Variants in MEF2A observed in about 807,000 individuals in gnomAD.
MEF2A encodes myocyte enhancer factor 2A, also known as myocyte-specific enhancer factor 2A.
Under a neutral mutation model 55.8 loss-of-function variants are expected in MEF2A, and 28 were observed. The observed-to-expected ratio is 0.50, with a 90% CI of 0.37 to 0.69. The LOEUF is 0.69. MEF2A is among the 30% of genes least tolerant of loss of function. The pLI is 0.00. For synonymous variants in MEF2A, 239 were observed against 227.1 expected, an observed-to-expected ratio of 1.05 and a Z score of -0.47; for missense variants, 528 against 626.2, an observed-to-expected ratio of 0.84 and a Z score of 1.67.
intron 10 of MEF2A, among the ~76,000 whole-genome samples, chr15:99,708,390 C>T (rs1035764986): frequency 2.6e-5 from 4 of 152,184 alleles, no homozygotes; most frequent in African/African-American, 9.7e-5. Flanking sequence ...TTTCAGTATA[C>T]TTAGAAATTC....
In MEF2A at chr15:99,689,856, T is replaced by G. The variant is rs189911210; in HGVS notation, c.671-385T>G. 7.0e-4 allele frequency among the ~76,000 whole-genome samples: 106 copies of G among 152,324 alleles called. No homozygotes were observed. In the East Asian group the frequency reaches 0.013, roughly 18 times the overall value. ...TGTACAAGTATCATTAGTCTTAAGC[T>G]TTATATGTATTTCAGACTTTGCTTG... is the stretch of plus-strand genomic sequence containing the variant. On this transcript the variant is annotated intron_variant, in intron 7 of 11. Coordinates refer to ENST00000557942, the MANE Select transcript of MEF2A (RefSeq NM_001319206.4).
At chr15:99,703,714 T>C (rs1023794216) in intron 9 of MEF2A, among the ~76,000 whole-genome samples, 52 of 152,292 alleles carry the variant, frequency 3.4e-4, no homozygotes, top group Non-Finnish European at 6.9e-4. Flanking sequence ...ATTGAAATAT[T>C]TTTAGAAAAT....
chr15:99,696,677 TAAG>T (rs1223218872), intron 8 of MEF2A, among the ~76,000 whole-genome samples: 1 of 151,770 alleles, frequency 6.6e-6, no homozygotes, highest in Non-Finnish European at 1.5e-5. Context: ...GCTCTTACCT[TAAG>T]AAACTCAAAA....
chr15:99,602,982 T>C (rs936752142), intron 2 of MEF2A, among the ~76,000 whole-genome samples: 5 of 152,176 alleles, frequency 3.3e-5, no homozygotes. Context: ...TCTAATTTAT[T>C]GGCACGAAGT....
At chr15:99,574,988 G>A (rs1963795135) in intron 1 of MEF2A, among the ~76,000 whole-genome samples, 1 of 152,088 alleles carries the variant, frequency 6.6e-6, no homozygotes, top group Non-Finnish European at 1.5e-5. Context: ...ATCAGGCATT[G>A]TTATATAATA....
chr15:99,684,951 C>G (rs2053931960), intron 7 of MEF2A, among the ~76,000 whole-genome samples: 1 of 152,144 alleles, frequency 6.6e-6, no homozygotes, highest in Non-Finnish European at 1.5e-5. Context: ...AATAGGGTGT[C>G]TTTTCCCTAC....
At chr15:99,632,095 A>G (rs918699712) in intron 2 of MEF2A, among the ~76,000 whole-genome samples, 6 of 152,222 alleles carry the variant, frequency 3.9e-5, no homozygotes, top group African/African-American at 1.4e-4. Flanking sequence ...ATGACAAACT[A>G]TATCATTTCC....
chr15:99,581,852 C>G (rs1458221741), intron 1 of MEF2A, among the ~76,000 whole-genome samples: 1 of 152,030 alleles, frequency 6.6e-6, no homozygotes, highest in African/African-American at 2.4e-5. Flanking sequence ...GACATTTGAA[C>G]TGGATATCAA....
In MEF2A at chr15:99,712,553, C is replaced by T; in HGVS notation, c.1300C>T (p.Gln434Ter). The stretch of plus-strand genomic sequence containing the variant: ...GCAGCAGCAGCCGCCGCCACCACCG[C>T]AGCCCCAGCCACAACCCCCGCAGCC... Reference protein sequence around the residue: ...QQQQQPPPPPQPQPQPPQPQP... With the variant: ...QQQQQPPPPP Residue 434 changes from glutamine to a stop codon, truncating the protein, a stop_gained, in exon 12 of 12, where the codon CAG becomes TAG. Transcript: ENST00000557942. LOFTEE classifies it high-confidence loss of function. This position sits in a 1 kb window ranked among gnomAD's most constrained non-coding sequence, Gnocchi z 4.1. 1.3e-6 allele frequency: 2 copies of T among 1,550,524 alleles called. No homozygotes were observed. The highest frequency in any genetic ancestry group is 1.7e-6 in the Non-Finnish European group (2 of 1,146,422).
At position 99,671,427 on chromosome 15, in the gene MEF2A, T is replaced by C; in HGVS notation, c.363T>C (p.Asp121=). 6.2e-7 allele frequency: 1 copy of C among 1,613,952 alleles called. No individual in the cohort carries two copies. Among genetic ancestry groups the C allele is most frequent in the Non-Finnish European group, 8.5e-7 (1 of 1,179,814 alleles). ...ACAGATTCAGCAAACTAAATGAAGATAGTGATTTTATTTTCAAACGAGGCC... is the reference window on the plus strand; with the variant it reads ...ACAGATTCAGCAAACTAAATGAAGACAGTGATTTTATTTTCAAACGAGGCC... ...SEDRFSKLNE[D]SDFIFKRGPP... Residue 121 remains aspartate (D), a synonymous_variant, in exon 5 of 12, where the codon GAT becomes GAC. Transcript: ENST00000557942.
intron 8 of MEF2A, among the ~76,000 whole-genome samples, chr15:99,696,878 C>T (rs1460116188): frequency 6.6e-6 from 1 of 151,978 alleles, no homozygotes; most frequent in Non-Finnish European, 1.5e-5. Flanking sequence ...ATCCATATTC[C>T]TCATGAACTC....
At chr15:99,629,904 C>T (rs1453181124) in intron 2 of MEF2A, among the ~76,000 whole-genome samples, 1 of 151,800 alleles carries the variant, frequency 6.6e-6, no homozygotes, top group African/African-American at 2.4e-5. Context: ...CACGCCACTG[C>T]ACTCCAGCCT....
chr15:99,708,939 A>C (rs1377711978), intron 10 of MEF2A, among the ~76,000 whole-genome samples: 2 of 152,212 alleles, frequency 1.3e-5, no homozygotes, highest in Non-Finnish European at 2.9e-5. Flanking sequence ...TAGAGAGGTA[A>C]GTAATGATTT....
intron 2 of MEF2A, among the ~76,000 whole-genome samples, chr15:99,606,085 T>A (rs1431737801): frequency 1.3e-5 from 2 of 152,154 alleles, no homozygotes; most frequent in Non-Finnish European, 2.9e-5. Flanking sequence ...CAAAAGAAAT[T>A]AAATGCCTGG....
intron 1 of MEF2A, among the ~76,000 whole-genome samples, chr15:99,567,014 A>T (rs1437877203): frequency 6.6e-6 from 1 of 152,266 alleles, no homozygotes; most frequent in Non-Finnish European, 1.5e-5. Context: ...GAGATAGTGC[A>T]AACAAGTTTG....
At chr15:99,644,065 A>C (rs184871701) in intron 3 of MEF2A, among the ~76,000 whole-genome samples, 2 of 152,198 alleles carry the variant, frequency 1.3e-5, no homozygotes, top group African/African-American at 4.8e-5. Context: ...CTCTATTTTC[A>C]TTCAGTTTAC....
In MEF2A at chr15:99,666,009, C is replaced by A. The variant is rs943990568; in HGVS notation, c.259-5314C>A. Among the ~76,000 whole-genome samples the A allele has an allele frequency of 2.6e-5, 4 of 152,126 alleles. No homozygotes were observed. The East Asian group carries it at 7.7e-4, about 29-fold the overall frequency. ...TGGTGGGAGTGTAAATTAGTTCAAC[C>A]ATGGTGGAAGACAGTGTGGTGATTC... On this transcript the variant is annotated intron_variant, in intron 4 of 11. Coordinates refer to ENST00000557942, the MANE Select transcript of MEF2A (RefSeq NM_001319206.4).
At chr15:99,565,489 G>A (rs996235673), upstream of MEF2A, 35 of 150,500 alleles carry the variant, frequency 2.3e-4, no homozygotes, top group African/African-American at 8.2e-4. Flanking sequence ...AGGTGGCGGC[G>A]GCTGAGCGGC....
intron 8 of MEF2A, among the ~76,000 whole-genome samples, chr15:99,700,906 T>C (rs2057315760): frequency 9.9e-6 from 1 of 100,798 alleles, no homozygotes; most frequent in South Asian, 5.5e-4. Context: ...AAATAAATGA[T>C]AGAATAAATA....
Sources: gnomAD v4.1 joint callset for allele counts (sites outside exome capture counted in the v4.1 genomes callset) on GRCh38, gnomAD v4.1.1 for gene constraint, Gnocchi (gnomAD v3.1) non-coding constraint, MANE v1.5 for transcripts, NCBI Gene and HGNC (gene_info 2026-07-23, HGNC 2026-07-21) for gene names.